PLPP1: variants seen among roughly 807,000 people sequenced by gnomAD.
PLPP1 encodes the protein phospholipid phosphatase 1, also known as lipid phosphate phosphohydrolase 1a.
PLPP1 carries 24 observed loss-of-function variants against 31.2 expected under a neutral mutation model. That is an observed-to-expected ratio of 0.77 (90% CI 0.56 to 1.08). The LOEUF (loss-of-function observed/expected upper bound fraction) is 1.08. PLPP1 is among the 50% of genes least tolerant of loss of function. PLPP1 has a pLI of 0.00. For synonymous variants in PLPP1, 146 were observed against 126.3 expected, an observed-to-expected ratio of 1.16 and a Z score of -1.05; for missense variants, 319 against 342.7, an observed-to-expected ratio of 0.93 and a Z score of 0.55.
chr5:55,475,491 A>G (rs1264088384), intron 1 of PLPP1, 41 bp from the exon 2 acceptor site: 1 of 1,515,842 alleles, frequency 6.6e-7, no homozygotes, highest in African/African-American at 1.4e-5. Flanking sequence ...TAAAAAAGAA[A>G]TATCAAAACT....
intron 3 of PLPP1, among the ~76,000 whole-genome samples, chr5:55,463,134 T>C (rs1439394245): frequency 6.6e-6 from 1 of 151,582 alleles, no homozygotes; most frequent in Non-Finnish European, 1.5e-5. Flanking sequence ...AGTTGAACAA[T>C]GAGAACACAT....
At chr5:55,531,950 T>G (rs1740684491) in intron 1 of PLPP1, among the ~76,000 whole-genome samples, 1 of 152,232 alleles carries the variant, frequency 6.6e-6, no homozygotes, top group Admixed American at 6.5e-5. Flanking sequence ...GCTGAATTAC[T>G]TTAAAAGAAA....
At chr5:55,502,215 G>A (rs185864183) in intron 1 of PLPP1, among the ~76,000 whole-genome samples, 6 of 152,286 alleles carry the variant, frequency 3.9e-5, no homozygotes, top group South Asian at 2.1e-4. Context: ...CAGGCTGGGC[G>A]TGGTGGCTCA....
chr5:55,487,761 A>G (rs1202522181), intron 1 of PLPP1, among the ~76,000 whole-genome samples: 1 of 152,192 alleles, frequency 6.6e-6, no homozygotes, highest in Non-Finnish European at 1.5e-5. Flanking sequence ...AGAATTTGCA[A>G]GAATTCCTTC....
chr5:55,432,733 A>T (rs1322591681), intron 4 of PLPP1, among the ~76,000 whole-genome samples: 1 of 152,112 alleles, frequency 6.6e-6, no homozygotes, highest in African/African-American at 2.4e-5. Context: ...GCAAATCAAT[A>T]AATGTGACAC....
chr5:55,491,334 T>C (rs945122133), intron 1 of PLPP1, among the ~76,000 whole-genome samples: 1 of 152,158 alleles, frequency 6.6e-6, no homozygotes, highest in Non-Finnish European at 1.5e-5. Flanking sequence ...ATTACTTGCA[T>C]TGACCTCCGA....
intron 4 of PLPP1, among the ~76,000 whole-genome samples, chr5:55,436,732 C>A (rs1561222628): frequency 6.6e-6 from 1 of 152,052 alleles, no homozygotes; most frequent in Non-Finnish European, 1.5e-5. Flanking sequence ...CCCATTTTTT[C>A]TTTTGTTTAA....
intron 3 of PLPP1, among the ~76,000 whole-genome samples, chr5:55,465,102 G>GGCGCAATCTCT: frequency 6.6e-6 from 1 of 151,058 alleles, no homozygotes; most frequent in East Asian, 1.9e-4. Context: ...GGAGTGCAGT[G>GGCGCAATCTCT]GCGCAATCTC....
intron 4 of PLPP1, among the ~76,000 whole-genome samples, chr5:55,430,784 CA>C (rs1037455257): frequency 2.0e-5 from 3 of 150,612 alleles, no homozygotes; most frequent in African/African-American, 4.9e-5. Flanking sequence ...AATAATGATT[CA>C]AAAAAAATTG....
intron 1 of PLPP1, among the ~76,000 whole-genome samples, chr5:55,525,164 TTGA>T (rs1753753644): frequency 6.6e-6 from 1 of 152,228 alleles, no homozygotes; most frequent in African/African-American, 2.4e-5. Flanking sequence ...ACAAAACTAG[TTGA>T]TGTTATTTCT....
chr5:55,476,495 G>A (rs1032590241), intron 1 of PLPP1, among the ~76,000 whole-genome samples: 7 of 152,074 alleles, frequency 4.6e-5, no homozygotes, highest in African/African-American at 1.7e-4. Flanking sequence ...TTACTTCACT[G>A]AACTTGACCT....
At chr5:55,472,705 A>G (rs1231266446) in intron 2 of PLPP1, among the ~76,000 whole-genome samples, 1 of 151,902 alleles carries the variant, frequency 6.6e-6, no homozygotes, top group African/African-American at 2.4e-5. Context: ...AGAGAGAGAA[A>G]AAGAGAAAGA....
intron 1 of PLPP1, among the ~76,000 whole-genome samples, 179 bp downstream of exon 1, chr5:55,534,393 G>A (rs1404231837): frequency 2.0e-5 from 3 of 152,204 alleles, no homozygotes; most frequent in African/African-American, 7.2e-5. Context: ...CGGCGGGCAC[G>A]CGGGAGCCGG....
At chr5:55,486,437 T>A (rs1752776385) in intron 1 of PLPP1, among the ~76,000 whole-genome samples, 1 of 151,538 alleles carries the variant, frequency 6.6e-6, no homozygotes, top group African/African-American at 2.4e-5. Flanking sequence ...ATACAAAAAA[T>A]TAGCCAGTTG....
chr5:55,452,535 T>C (rs1751915309), intron 3 of PLPP1, among the ~76,000 whole-genome samples: 1 of 152,188 alleles, frequency 6.6e-6, no homozygotes, highest in East Asian at 1.9e-4. Flanking sequence ...TGCAAAACAG[T>C]GTAATACACT....
intron 1 of PLPP1, among the ~76,000 whole-genome samples, chr5:55,483,838 A>C (rs954543743): frequency 3.9e-5 from 6 of 152,082 alleles, no homozygotes; most frequent in African/African-American, 1.4e-4. Flanking sequence ...TGGTCTATTA[A>C]ATGGAGATAT....
chr5:55,522,282 G>T (rs1373331383), intron 1 of PLPP1, among the ~76,000 whole-genome samples: 2 of 152,256 alleles, frequency 1.3e-5, no homozygotes, highest in Admixed American at 1.3e-4. Context: ...AAAAGTCTGT[G>T]AGCATGTTAC....
chr5:55,524,100 G>A (rs1364755615), intron 1 of PLPP1, among the ~76,000 whole-genome samples: 1 of 152,104 alleles, frequency 6.6e-6, no homozygotes, highest in African/African-American at 2.4e-5. Flanking sequence ...ACAACATTGT[G>A]CTCACACAAT....
rs1751263200 is a variant in PLPP1, at chr5:55,428,435, G to C, written c.550-2396C>G. On this transcript the variant is annotated intron_variant, in intron 4 of 5. Transcript: ENST00000307259. ...AATTTCTCAGACCTTGGGTAAACTTGAATTCCACAGCTGACATGCCCAGAA... is the reference window on the plus strand; with the variant it reads ...AATTTCTCAGACCTTGGGTAAACTTCAATTCCACAGCTGACATGCCCAGAA... Among the ~76,000 whole-genome samples the C allele has an allele frequency of 2.0e-5, 3 of 152,184 alleles. No individual in the cohort carries two copies. The South Asian group carries it at 6.2e-4, about 31-fold the overall frequency.
Sources: allele counts gnomAD v4.1 joint callset (sites outside exome capture counted in the v4.1 genomes callset), GRCh38; gene constraint gnomAD v4.1.1; transcripts MANE v1.5; gene names NCBI Gene and HGNC (gene_info 2026-07-23, HGNC 2026-07-21).